ZNF521: variants seen among roughly 807,000 people sequenced by gnomAD.
The protein encoded by ZNF521 is zinc finger protein 521, also known as LYST-interacting protein 3.
Under a neutral mutation model 105.5 loss-of-function variants are expected in ZNF521, and 14 were observed. That is an observed-to-expected ratio of 0.13 (90% CI 0.09 to 0.21). The LOEUF is 0.21. Ranked by LOEUF, ZNF521 falls within the 10% of genes least tolerant of loss-of-function variation. ZNF521 has a pLI of 1.00. For synonymous variants in ZNF521, 635 were observed against 606.0 expected (o/e 1.05, Z -0.70); for missense variants, 1,233 against 1,629.7 (o/e 0.76, Z 4.19).
chr18:25,067,754 T>C (rs894514649), intron 7 of ZNF521, among the ~76,000 whole-genome samples: 2 of 152,150 alleles, frequency 1.3e-5, no homozygotes, highest in African/African-American at 4.8e-5. Flanking sequence ...AAAAATTAAA[T>C]TCCCAACCCC....
chr18:25,322,331 G>A, intron 2 of ZNF521, 144 bp from the exon 3 acceptor site: 1 of 841,574 alleles, frequency 1.2e-6, no homozygotes. Context: ...TATTACAGGA[G>A]AATCAAAAGT....
intron 5 of ZNF521, among the ~76,000 whole-genome samples, chr18:25,182,829 A>C (rs2035655775): frequency 6.6e-6 from 1 of 152,180 alleles, no homozygotes; most frequent in Non-Finnish European, 1.5e-5. Context: ...ATTTCATATA[A>C]ATCTGAACAA....
At chr18:25,218,169 T>C (rs1905454635) in intron 4 of ZNF521, among the ~76,000 whole-genome samples, 1 of 152,152 alleles carries the variant, frequency 6.6e-6, no homozygotes, top group African/African-American at 2.4e-5. Context: ...ACACTTACAA[T>C]GTTTCAAATA....
At chr18:25,133,275 T>G (rs34030163) in intron 5 of ZNF521, among the ~76,000 whole-genome samples, 2 of 151,998 alleles carry the variant, frequency 1.3e-5, no homozygotes, top group Non-Finnish European at 2.9e-5. Flanking sequence ...TGGTTAAGAG[T>G]CAAATGTCTC....
At chr18:25,233,569 T>C (rs1394951661) in intron 3 of ZNF521, among the ~76,000 whole-genome samples, 1 of 152,132 alleles carries the variant, frequency 6.6e-6, no homozygotes, top group Non-Finnish European at 1.5e-5. Flanking sequence ...TGGTCACCCA[T>C]TAATAACAGC....
At chr18:25,092,643 T>C (rs141684521) in intron 5 of ZNF521, among the ~76,000 whole-genome samples, 210 of 152,326 alleles carry the variant, frequency 1.4e-3, no homozygotes, top group African/African-American at 4.5e-3. Flanking sequence ...TCCCATATTC[T>C]TCCTAGTTCA....
chr18:25,068,107 C>T (rs1021896907), intron 7 of ZNF521, among the ~76,000 whole-genome samples: 3 of 152,144 alleles, frequency 2.0e-5, no homozygotes, highest in African/African-American at 4.8e-5. Context: ...CGAATTTAAA[C>T]TGCAGTTGTA....
intron 2 of ZNF521, among the ~76,000 whole-genome samples, chr18:25,329,934 C>A (rs796336463): frequency 5.3e-5 from 6 of 113,756 alleles, no homozygotes; most frequent in African/African-American, 1.9e-4. Context: ...CTGGGAGCCA[C>A]TATGGAAACA....
Position 25,113,761 on chromosome 18 carries a change from G to GACACACACACAC in ZNF521, c.3659-21692_3659-21681dup, listed in dbSNP as rs10667710. Among the ~76,000 whole-genome samples the GACACACACACAC allele has an allele frequency of 3.3e-3, 335 of 101,750 alleles. 1 individual carries two copies. Among genetic ancestry groups the GACACACACACAC allele is most frequent in the Middle Eastern group, 0.014 (3 of 208 alleles). The allele number at this position is 101,750 out of a possible 152,430, so 66.8% of individuals were successfully genotyped here. ...AGGCAGGCAGACCGAAGGACGGACGGACACACACACACACACACACACACA... is the reference window on the plus strand; with the variant it reads ...AGGCAGGCAGACCGAAGGACGGACGGACACACACACACACACACACACACACACACACACACA... On this transcript the variant is annotated intron_variant, in intron 5 of 7. Coordinates refer to ENST00000361524, the MANE Select transcript of ZNF521 (RefSeq NM_015461.3).
At chr18:25,120,459 C>T (rs988952164) in intron 5 of ZNF521, among the ~76,000 whole-genome samples, 1 of 152,100 alleles carries the variant, frequency 6.6e-6, no homozygotes, top group African/African-American at 2.4e-5. Flanking sequence ...TGGCATGCGC[C>T]TGTAGTCCCA....
intron 3 of ZNF521, among the ~76,000 whole-genome samples, chr18:25,277,992 T>C (rs906524509): frequency 5.4e-5 from 8 of 149,226 alleles, no homozygotes; most frequent in Non-Finnish European, 1.2e-4. Context: ...GTGACAATGG[T>C]AAGTCTTCTT....
At chr18:25,327,356 G>A (rs763485068) in intron 2 of ZNF521, 20 of 926,652 alleles carry the variant, frequency 2.2e-5, no homozygotes, top group Admixed American at 5.0e-5. Flanking sequence ...TGTACTAAAC[G>A]TAATTAACTG....
At chr18:25,312,004 A>G (rs551728241) in intron 3 of ZNF521, among the ~76,000 whole-genome samples, 6 of 152,258 alleles carry the variant, frequency 3.9e-5, no homozygotes, top group African/African-American at 1.2e-4. Flanking sequence ...AGACTCATTT[A>G]TTTTCTATTT....
chr18:25,227,398 A>T lies in ZNF521; in HGVS notation c.520T>A (p.Tyr174Asn). The change falls in exon 4 of 8, where the codon TAC becomes AAC. Residue 174 changes from tyrosine (Y) to asparagine (N), a missense_variant. Physicochemically the swap from Tyr to Asn is moderately radical, Grantham distance 143 (BLOSUM62 -2). Transcript: ENST00000361524. The surrounding 1 kb of genome is among the most constrained non-coding windows in gnomAD (Gnocchi z 5.7). ...HIKLHTGDKK[Y>N]HCSECDAAFS... ...GCAGCATCACATTCACTGCAGTGGT[A>T]CTTCTTGTCCCCGGTGTGGAGTTTT... 1 of 1,614,070 alleles carries T rather than the reference A, an allele frequency of 6.2e-7. No individual in the cohort carries two copies.
chr18:25,314,201 A>G (rs944576336), intron 3 of ZNF521, among the ~76,000 whole-genome samples: 3 of 152,318 alleles, frequency 2.0e-5, no homozygotes, highest in African/African-American at 7.2e-5. Context: ...ACAGCAAAAA[A>G]AAAGGTTCTA....
intron 7 of ZNF521, among the ~76,000 whole-genome samples, chr18:25,071,561 C>G (rs1308537781): frequency 6.6e-6 from 1 of 152,054 alleles, no homozygotes; most frequent in Non-Finnish European, 1.5e-5. Flanking sequence ...GGTCTAGACT[C>G]AATGGCAGGT....
intron 3 of ZNF521, among the ~76,000 whole-genome samples, chr18:25,236,611 T>C (rs1036450704): frequency 6.6e-6 from 1 of 152,112 alleles, no homozygotes; most frequent in Non-Finnish European, 1.5e-5. Context: ...AGAAAGACTC[T>C]ACAGTAGGGC....
chr18:25,070,967 G>A (rs1349095295), intron 7 of ZNF521, among the ~76,000 whole-genome samples: 1 of 152,096 alleles, frequency 6.6e-6, no homozygotes, highest in African/African-American at 2.4e-5. Flanking sequence ...TAATGAGGAG[G>A]TCTTGTTAAT....
chr18:25,268,195 C>G (rs1909402984), intron 3 of ZNF521, among the ~76,000 whole-genome samples: 1 of 152,002 alleles, frequency 6.6e-6, no homozygotes, highest in African/African-American at 2.4e-5. Flanking sequence ...GATTGAAGAT[C>G]AACTTGATGA....
Sources: gnomAD v4.1 joint callset for allele counts (sites outside exome capture counted in the v4.1 genomes callset) on GRCh38, gnomAD v4.1.1 for gene constraint, Gnocchi (gnomAD v3.1) non-coding constraint, MANE v1.5 for transcripts, NCBI Gene and HGNC (gene_info 2026-07-23, HGNC 2026-07-21) for gene names.